PLXDC2: variants seen among roughly 807,000 people sequenced by gnomAD.
The protein encoded by PLXDC2 is plexin domain containing 2, also known as plexin domain-containing protein 2.
PLXDC2 carries 40 observed loss-of-function variants against 68.9 expected under a neutral mutation model. The ratio of observed to expected loss-of-function variants is 0.58; its 90% CI spans 0.45 to 0.76. PLXDC2 has a LOEUF of 0.76. Ranked by LOEUF, PLXDC2 falls within the 30% of genes least tolerant of loss-of-function variation. The pLI is 0.00. For missense variants in PLXDC2, 644 were observed against 661.9 expected (o/e 0.97, Z 0.30); for synonymous variants, 243 against 234.2 (o/e 1.04, Z -0.34).
At chr10:20,216,410 T>G (rs1197045529) in intron 10 of PLXDC2, among the ~76,000 whole-genome samples, 1 of 152,108 alleles carries the variant, frequency 6.6e-6, no homozygotes, top group Admixed American at 6.6e-5. Flanking sequence ...GTGCAGGAAC[T>G]GGAATTTGGG....
chr10:19,997,601 C>A (rs1006982112), intron 1 of PLXDC2, among the ~76,000 whole-genome samples: 6 of 152,114 alleles, frequency 3.9e-5, no homozygotes, highest in African/African-American at 1.4e-4. Context: ...TAATTAAATG[C>A]AAGATATTTT....
chr10:20,225,349 T>G (rs958876447), intron 12 of PLXDC2, among the ~76,000 whole-genome samples: 4 of 150,020 alleles, frequency 2.7e-5, no homozygotes, highest in Admixed American at 2.0e-4. Context: ...CAACATATCT[T>G]TCCCTTTTTT....
At chr10:19,912,345 C>CTGA (rs1300593073) in intron 1 of PLXDC2, among the ~76,000 whole-genome samples, 1 of 152,112 alleles carries the variant, frequency 6.6e-6, no homozygotes, top group African/African-American at 2.4e-5. Context: ...AGGAATCAAT[C>CTGA]TGAGCTTTCC....
At chr10:20,092,425 C>G (rs946487669) in intron 4 of PLXDC2, among the ~76,000 whole-genome samples, 1 of 152,040 alleles carries the variant, frequency 6.6e-6, no homozygotes, top group Admixed American at 6.6e-5. Context: ...CATTGCTTGA[C>G]CTATAGTAAG....
chr10:19,878,817 A>T (rs961460522), intron 1 of PLXDC2, among the ~76,000 whole-genome samples: 7 of 152,298 alleles, frequency 4.6e-5, no homozygotes, highest in Admixed American at 2.0e-4. Flanking sequence ...ATTAGAGAAG[A>T]TATATAAAAC....
chr10:19,985,618 C>T (rs535936746), intron 1 of PLXDC2, among the ~76,000 whole-genome samples: 1 of 152,192 alleles, frequency 6.6e-6, no homozygotes, highest in Non-Finnish European at 1.5e-5. Context: ...TTTATGCTAA[C>T]AAGTAACTCA....
chr10:20,215,532 T>A (rs1289331996), intron 10 of PLXDC2, among the ~76,000 whole-genome samples: 1 of 151,932 alleles, frequency 6.6e-6, no homozygotes, highest in African/African-American at 2.4e-5. Context: ...AAAATAAGAT[T>A]AGGCATGCTT....
chr10:19,942,058 A>G (rs1231542048), intron 1 of PLXDC2, among the ~76,000 whole-genome samples: 31 of 152,140 alleles, frequency 2.0e-4, no homozygotes, highest in Admixed American at 2.0e-3. Context: ...AGAAAGCCCA[A>G]GTATTATTTA....
At chr10:20,022,699 G>A (rs1479648629) in intron 2 of PLXDC2, among the ~76,000 whole-genome samples, 1 of 152,082 alleles carries the variant, frequency 6.6e-6, no homozygotes, top group Non-Finnish European at 1.5e-5. Flanking sequence ...CCTCCTGTGG[G>A]TAACCAGAAT....
intron 4 of PLXDC2, 59 bp from the exon 5 acceptor site, chr10:20,143,236 A>C: frequency 6.6e-7 from 1 of 1,522,558 alleles, no homozygotes. Context: ...GAAGTATTTT[A>C]ATCATAATTT....
At chr10:19,877,285 A>G (rs949639803) in intron 1 of PLXDC2, among the ~76,000 whole-genome samples, 1 of 152,126 alleles carries the variant, frequency 6.6e-6, no homozygotes, top group African/African-American at 2.4e-5. Context: ...ATATAACTGT[A>G]GCAAACTGGG....
intron 1 of PLXDC2, among the ~76,000 whole-genome samples, chr10:19,873,886 G>A (rs1208613152): frequency 6.6e-6 from 1 of 152,114 alleles, no homozygotes; most frequent in Non-Finnish European, 1.5e-5. Flanking sequence ...TAACTTCTGG[G>A]AACCAATTTT....
intron 1 of PLXDC2, among the ~76,000 whole-genome samples, chr10:19,975,278 C>A (rs1438629972): frequency 1.3e-5 from 2 of 151,990 alleles, no homozygotes; most frequent in Non-Finnish European, 2.9e-5. Context: ...CACGGTGAAA[C>A]CCCGTCTCTA....
At chr10:19,885,870 G>GTTT (rs1284971950) in intron 1 of PLXDC2, among the ~76,000 whole-genome samples, 2 of 151,968 alleles carry the variant, frequency 1.3e-5, no homozygotes, top group Admixed American at 1.3e-4. Flanking sequence ...CTTTAAAGTA[G>GTTT]TTTTTTCCAA....
rs573458713 is a variant in PLXDC2 at position 20,260,207 on chromosome 10, CT to C, written c.1473+14703del. 2.6e-3 allele frequency among the ~76,000 whole-genome samples: 393 copies of C among 152,240 alleles called. 1 individual carries two copies. Among genetic ancestry groups the C allele is most frequent in the African/African-American group, 8.7e-3 (360 of 41,544 alleles). On this transcript the variant is annotated intron_variant, in intron 13 of 13. Transcript: ENST00000377252. ...TATCATTTTTGTGTGATACATGCAC[CT>C]AAAATCTATGCCCTTAACATATTTT...
At chr10:20,011,812 G>A in intron 2 of PLXDC2, among the ~76,000 whole-genome samples, 1 of 152,174 alleles carries the variant, frequency 6.6e-6, no homozygotes, top group Middle Eastern at 3.2e-3. Flanking sequence ...ATGAAGATCT[G>A]TAGTATGATG....
At chr10:20,274,293 A>G (rs1395054806) in intron 13 of PLXDC2, among the ~76,000 whole-genome samples, 1 of 152,202 alleles carries the variant, frequency 6.6e-6, no homozygotes, top group Non-Finnish European at 1.5e-5. Context: ...TTATTCGGCC[A>G]TTGGAGAATC....
At chr10:20,066,771 A>T (rs1221697624) in intron 3 of PLXDC2, among the ~76,000 whole-genome samples, 1 of 152,256 alleles carries the variant, frequency 6.6e-6, no homozygotes, top group Non-Finnish European at 1.5e-5. Context: ...GCTATAAAAA[A>T]GCAATTATTT....
At chr10:20,012,771 G>A (rs1215503683) in intron 2 of PLXDC2, among the ~76,000 whole-genome samples, 1 of 152,112 alleles carries the variant, frequency 6.6e-6, no homozygotes, top group Non-Finnish European at 1.5e-5. Context: ...AGATGGTAAC[G>A]TTTAGAATGA....
Sources: gnomAD v4.1 joint callset for allele counts (sites outside exome capture counted in the v4.1 genomes callset) on GRCh38, gnomAD v4.1.1 for gene constraint, MANE v1.5 for transcripts, NCBI Gene and HGNC (gene_info 2026-07-23, HGNC 2026-07-21) for gene names.